Variants in ROBO2 observed in about 807,000 individuals in gnomAD.
The protein encoded by ROBO2 is roundabout homolog 2.
A neutral mutation model predicts 160.8 loss-of-function variants in ROBO2; 53 were observed. The observed-to-expected ratio is 0.33, with a 90% CI of 0.26 to 0.41. The LOEUF is 0.41. ROBO2 is among the 10% of genes least tolerant of loss of function. ROBO2 has a pLI of 1.00. For missense variants in ROBO2, 1,577 were observed against 1,722.4 expected (o/e 0.92, Z 1.49); for synonymous variants, 664 against 611.7 (o/e 1.09, Z -1.26).
intron 2 of ROBO2, among the ~76,000 whole-genome samples, chr3:76,219,397 C>A (rs550949160): frequency 3.9e-5 from 6 of 152,192 alleles, no homozygotes; most frequent in Non-Finnish European, 7.4e-5. Flanking sequence ...CAACCTACAG[C>A]ATGGGAGAAA....
chr3:77,475,606 C>T (rs1367697892), intron 2 of ROBO2, among the ~76,000 whole-genome samples: 4 of 152,182 alleles, frequency 2.6e-5, no homozygotes, highest in Non-Finnish European at 5.9e-5. Context: ...CCTGCAAAAA[C>T]ACCATTTGTT....
chr3:77,081,144 A>G (rs2068612763), intron 1 of ROBO2, among the ~76,000 whole-genome samples: 1 of 152,224 alleles, frequency 6.6e-6, no homozygotes, highest in South Asian at 2.1e-4. Context: ...AAGTATTTTG[A>G]TATCCAGTGT....
chr3:77,539,016 C>G, intron 6 of ROBO2: 1 of 375,310 alleles, frequency 2.7e-6, no homozygotes, highest in Non-Finnish European at 5.3e-6. Context: ...CTCCCGGGTT[C>G]AAGCAATTCT....
At chr3:76,226,930 G>A (rs1321956489) in intron 2 of ROBO2, among the ~76,000 whole-genome samples, 1 of 152,160 alleles carries the variant, frequency 6.6e-6, no homozygotes, top group Non-Finnish European at 1.5e-5. Flanking sequence ...GCCCATGAAA[G>A]TCCAGGAGGC....
chr3:76,257,006 A>T (rs910030126), intron 2 of ROBO2, among the ~76,000 whole-genome samples: 1 of 152,000 alleles, frequency 6.6e-6, no homozygotes, highest in Non-Finnish European at 1.5e-5. Flanking sequence ...GACAGCATGA[A>T]GTCATGAGAG....
At chr3:75,974,547 G>A (rs545754621) in intron 2 of ROBO2, among the ~76,000 whole-genome samples, 2 of 151,510 alleles carry the variant, frequency 1.3e-5, no homozygotes, top group Admixed American at 6.6e-5. Flanking sequence ...AGTACTGTTG[G>A]TATCAACAGA....
At chr3:77,103,719 C>T (rs1014637800) in intron 2 of ROBO2, among the ~76,000 whole-genome samples, 7 of 152,024 alleles carry the variant, frequency 4.6e-5, no homozygotes, top group Non-Finnish European at 1.0e-4. Flanking sequence ...TTACAGATTG[C>T]GAGAATAGCA....
At chr3:77,557,592 C>G (rs1295628819) in intron 8 of ROBO2, among the ~76,000 whole-genome samples, 4 of 143,526 alleles carry the variant, frequency 2.8e-5, no homozygotes, top group Non-Finnish European at 4.6e-5. Context: ...AGGTGACTGA[C>G]TGCCATAAGC....
At chr3:77,060,741 A>C (rs2066217000) in intron 1 of ROBO2, among the ~76,000 whole-genome samples, 1 of 152,194 alleles carries the variant, frequency 6.6e-6, no homozygotes, top group Non-Finnish European at 1.5e-5. Context: ...CAAATATCAA[A>C]GTTATCACAG....
At chr3:77,432,527 C>T (rs1241216601) in intron 2 of ROBO2, among the ~76,000 whole-genome samples, 1 of 152,060 alleles carries the variant, frequency 6.6e-6, no homozygotes, top group African/African-American at 2.4e-5. Flanking sequence ...AAGCTATTGT[C>T]CCTGGGCCAA....
chr3:76,791,280 G>C (rs981421100), intron 2 of ROBO2, among the ~76,000 whole-genome samples: 1 of 151,836 alleles, frequency 6.6e-6, no homozygotes. Flanking sequence ...TTTACATGTG[G>C]TAGTGAGCCT....
chr3:77,484,685 T>G (rs2085135191), intron 4 of ROBO2, among the ~76,000 whole-genome samples: 1 of 152,004 alleles, frequency 6.6e-6, no homozygotes. Flanking sequence ...AAGATGATGA[T>G]TTGGCCCACT....
At chr3:76,432,650 C>T (rs1444211436) in intron 2 of ROBO2, among the ~76,000 whole-genome samples, 1 of 152,240 alleles carries the variant, frequency 6.6e-6, no homozygotes, top group East Asian at 1.9e-4. Flanking sequence ...AACTAGTGAT[C>T]AAAGAGAATG....
intron 2 of ROBO2, among the ~76,000 whole-genome samples, chr3:77,160,734 C>T (rs537589202): frequency 2.1e-4 from 32 of 152,200 alleles, no homozygotes; most frequent in Non-Finnish European, 3.8e-4. Context: ...GTTTTAGTAC[C>T]GCTACTTTAA....
At chr3:77,404,331 A>G (rs1299171665) in intron 2 of ROBO2, among the ~76,000 whole-genome samples, 1 of 152,156 alleles carries the variant, frequency 6.6e-6, no homozygotes, top group Non-Finnish European at 1.5e-5. Flanking sequence ...TAATTTCATG[A>G]TTACATTTTT....
At chr3:76,972,419 T>C (rs889103874) in intron 2 of ROBO2, among the ~76,000 whole-genome samples, 1 of 152,122 alleles carries the variant, frequency 6.6e-6, no homozygotes, top group Non-Finnish European at 1.5e-5. Flanking sequence ...GACTCCTAAG[T>C]TTTTTTGAAT....
chr3:76,657,655 TTC>T (rs1251506926), intron 2 of ROBO2, among the ~76,000 whole-genome samples: 5 of 138,200 alleles, frequency 3.6e-5, no homozygotes, highest in African/African-American at 1.2e-4. Flanking sequence ...TGTATATATA[TTC>T]ATATATATGT....
At chr3:76,901,657 CTT>C (rs1291398614) in intron 2 of ROBO2, among the ~76,000 whole-genome samples, 10 of 148,704 alleles carry the variant, frequency 6.7e-5, no homozygotes, top group Non-Finnish European at 4.5e-5. Flanking sequence ...TTGAAAGACA[CTT>C]TTAATTCAAG....
chr3:76,016,221 T>A (rs1204506834), intron 2 of ROBO2, among the ~76,000 whole-genome samples: 1 of 12 alleles, frequency 0.083, no homozygotes, highest in Non-Finnish European at 0.17. Flanking sequence ...ATTTATGTGA[T>A]TTTTTTTTAA....
Sources: allele counts gnomAD v4.1 joint callset (sites outside exome capture counted in the v4.1 genomes callset), GRCh38; gene constraint gnomAD v4.1.1; transcripts MANE v1.5; gene names NCBI Gene and HGNC (gene_info 2026-07-23, HGNC 2026-07-21).